Variants in USH2A observed in about 807,000 individuals in gnomAD.
USH2A encodes the protein Usher syndrome 2A (autosomal recessive, mild).
USH2A carries 443 observed loss-of-function variants against 538.9 expected under a neutral mutation model. The ratio of observed to expected loss-of-function variants is 0.82; its 90% confidence interval spans 0.76 to 0.89. The LOEUF is 0.89. Ranked by LOEUF, USH2A falls within the 40% of genes least tolerant of loss-of-function variation. The pLI, the probability that USH2A is intolerant of heterozygous loss-of-function variation, is 0.00. For missense variants in USH2A, 6,633 were observed against 6,324.8 expected (o/e 1.05, Z -1.65); for synonymous variants, 2,413 against 2,273.5 (o/e 1.06, Z -1.75).
intron 47 of USH2A, among the ~76,000 whole-genome samples, chr1:215,836,026 G>GA (rs931802393): frequency 1.5e-4 from 22 of 151,216 alleles, no homozygotes; most frequent in South Asian, 8.4e-4. Context: ...CTTCTTAAAG[G>GA]AAAAAAAACC....
At chr1:215,714,898 T>C (rs893424701) in intron 61 of USH2A, among the ~76,000 whole-genome samples, 7 of 152,226 alleles carry the variant, frequency 4.6e-5, no homozygotes, top group Non-Finnish European at 8.8e-5. Flanking sequence ...TAATGGTCTT[T>C]ATTGTAATTC....
chr1:215,987,394 T>C (rs1389982068), intron 35 of USH2A, among the ~76,000 whole-genome samples: 1 of 152,186 alleles, frequency 6.6e-6, no homozygotes, highest in Admixed American at 6.5e-5. Context: ...AGGGTTCCTA[T>C]AGACCTTGGA....
intron 35 of USH2A, among the ~76,000 whole-genome samples, chr1:215,973,940 TCACACACACA>T (rs140368318): frequency 6.8e-6 from 1 of 146,286 alleles, no homozygotes; most frequent in African/African-American, 2.5e-5. Flanking sequence ...ATAGGTGAGA[TCACACACACA>T]CACACACACA....
At chr1:216,418,458 A>C in intron 3 of USH2A, 56 bp downstream of exon 3, 1 of 1,595,994 alleles carries the variant, frequency 6.3e-7, no homozygotes, top group Non-Finnish European at 8.5e-7. Flanking sequence ...AAAAGAGAGA[A>C]AGGAAGACAA....
intron 11 of USH2A, among the ~76,000 whole-genome samples, chr1:216,261,690 C>T (rs958494707): frequency 6.6e-6 from 1 of 152,006 alleles, no homozygotes; most frequent in African/African-American, 2.4e-5. Context: ...TGTGCCTATG[C>T]CCCTAAACTG....
chr1:216,102,825 G>A (rs2032623714), intron 21 of USH2A, among the ~76,000 whole-genome samples: 1 of 151,980 alleles, frequency 6.6e-6, no homozygotes, highest in Non-Finnish European at 1.5e-5. Flanking sequence ...AGTTACCCTT[G>A]TATCTTTTGA....
intron 44 of USH2A, among the ~76,000 whole-genome samples, chr1:215,860,916 A>G (rs953802406): frequency 6.6e-6 from 1 of 152,220 alleles, no homozygotes; most frequent in African/African-American, 2.4e-5. Context: ...TGCTCGCAGA[A>G]TCTCCAAATT....
intron 30 of USH2A, among the ~76,000 whole-genome samples, chr1:216,059,019 G>A (rs930647655): frequency 2.6e-5 from 4 of 152,038 alleles, no homozygotes; most frequent in Non-Finnish European, 5.9e-5. Flanking sequence ...TATGGAGTAA[G>A]AACTTTCAGT....
In USH2A at chr1:215,836,480, A is replaced by AATATATATTTT. The variant is rs1663499573; in HGVS notation, c.9371+1510_9371+1511insAAAATATATAT. 2.4e-4 allele frequency among the ~76,000 whole-genome samples: 2 copies of AATATATATTTT among 8,446 alleles called. 1 individual carries two copies. The highest frequency in any genetic ancestry group is 5.9e-4 in the African/African-American group (2 of 3,380). 5.5% of individuals were successfully genotyped at this position (8,446 alleles called of 152,430 possible). ...GTATATATATTATATATATATATATAATATATATTATATATATAATATATA... is the reference window on the plus strand; with the variant it reads ...GTATATATATTATATATATATATATAATATATATTTTATATATATTATATATATAATATATA... On this transcript the variant is annotated intron_variant, in intron 47 of 71. Coordinates refer to ENST00000307340, the MANE Select transcript of USH2A (RefSeq NM_206933.4).
At chr1:216,066,052 C>G (rs918357889) in intron 30 of USH2A, among the ~76,000 whole-genome samples, 1 of 151,912 alleles carries the variant, frequency 6.6e-6, no homozygotes, top group African/African-American at 2.4e-5. Flanking sequence ...ATATATTTTG[C>G]CTTTTAAATT....
At chr1:215,750,945 A>G (rs1660605730) in intron 58 of USH2A, among the ~76,000 whole-genome samples, 1 of 152,184 alleles carries the variant, frequency 6.6e-6, no homozygotes, top group Non-Finnish European at 1.5e-5. Context: ...TACATTTTAA[A>G]ATATCCAAAA....
intron 26 of USH2A, chr1:216,079,208 A>G (rs375259149): frequency 4.6e-5 from 7 of 152,236 alleles, no homozygotes; most frequent in African/African-American, 1.7e-4. Flanking sequence ...TCAGGTAAGC[A>G]ATTTTTCATT....
chr1:216,160,668 T>C (rs1338908683), intron 21 of USH2A, among the ~76,000 whole-genome samples: 2 of 152,148 alleles, frequency 1.3e-5, no homozygotes, highest in Admixed American at 6.6e-5. Context: ...AAATGTCCTA[T>C]GTGTTCCTCA....
chr1:215,934,533 T>C, intron 38 of USH2A, 83 bp downstream of exon 38: 1 of 1,418,186 alleles, frequency 7.1e-7, no homozygotes, highest in Non-Finnish European at 9.8e-7. Flanking sequence ...AAAATACCTC[T>C]AAAAATAAAC....
At chr1:216,420,140 A>G (rs1404754623) in intron 2 of USH2A, among the ~76,000 whole-genome samples, 9 of 151,976 alleles carry the variant, frequency 5.9e-5, no homozygotes, top group South Asian at 4.1e-4. Flanking sequence ...ATCCCTACCC[A>G]TCAGGTCTTA....
intron 70 of USH2A, chr1:215,629,954 T>G (rs1360459042): frequency 1.7e-5 from 6 of 353,882 alleles, no homozygotes; most frequent in Non-Finnish European, 3.3e-5. Flanking sequence ...TTTTGGTATT[T>G]TTAGTAGAGA....
intron 11 of USH2A, among the ~76,000 whole-genome samples, chr1:216,265,036 C>T (rs1034399447): frequency 1.3e-5 from 2 of 152,040 alleles, no homozygotes; most frequent in East Asian, 3.9e-4. Context: ...CTAAAATGCC[C>T]TTTCGCAGCA....
intron 58 of USH2A, among the ~76,000 whole-genome samples, chr1:215,746,012 A>C (rs900945585): frequency 5.9e-5 from 9 of 152,200 alleles, no homozygotes; most frequent in African/African-American, 1.7e-4. Context: ...GCTCATGTCA[A>C]AGTATATTCA....
chr1:216,206,899 T>C (rs1427878503), intron 16 of USH2A, among the ~76,000 whole-genome samples: 7 of 152,184 alleles, frequency 4.6e-5, no homozygotes, highest in Non-Finnish European at 1.0e-4. Flanking sequence ...AAGTCAAATG[T>C]TATGTTAAAA....
Sources: allele counts gnomAD v4.1 joint callset (sites outside exome capture counted in the v4.1 genomes callset), GRCh38; gene constraint gnomAD v4.1.1; transcripts MANE v1.5; gene names NCBI Gene and HGNC (gene_info 2026-07-23, HGNC 2026-07-21).